The following ANKS1B variants were observed in gnomAD, a reference collection of about 807,000 sequenced individuals.
ANKS1B encodes the protein ankyrin repeat and sterile alpha motif domain-containing protein 1B.
Under a neutral mutation model 148.3 loss-of-function variants are expected in ANKS1B, and 36 were observed. That is an observed-to-expected ratio of 0.24 (90% CI 0.19 to 0.32). The LOEUF (loss-of-function observed/expected upper bound fraction) is 0.32. Ranked by LOEUF, ANKS1B falls within the 10% of genes least tolerant of loss-of-function variation. ANKS1B has a pLI of 1.00. For synonymous variants in ANKS1B, 542 were observed against 560.8 expected, an observed-to-expected ratio of 0.97 and a Z score of 0.47; for missense variants, 1,157 against 1,542.6, an observed-to-expected ratio of 0.75 and a Z score of 4.19.
intron 9 of ANKS1B, among the ~76,000 whole-genome samples, chr12:99,532,207 C>T (rs1277683459): frequency 6.6e-6 from 1 of 152,140 alleles, no homozygotes; most frequent in African/African-American, 2.4e-5. Context: ...TTAATTCAAT[C>T]ACATTTATTT....
chr12:99,938,085 G>A (rs952071551), intron 1 of ANKS1B, among the ~76,000 whole-genome samples: 1 of 152,108 alleles, frequency 6.6e-6, no homozygotes, highest in Non-Finnish European at 1.5e-5. Flanking sequence ...AAAAGAATAA[G>A]CAAAGGTGAC....
intron 9 of ANKS1B, among the ~76,000 whole-genome samples, chr12:99,582,916 T>C (rs763966841): frequency 1.3e-5 from 2 of 152,172 alleles, no homozygotes; most frequent in Non-Finnish European, 2.9e-5. Flanking sequence ...GGCTATATTT[T>C]ACAAAATATT....
chr12:99,464,352 C>G (rs561608599), intron 10 of ANKS1B, among the ~76,000 whole-genome samples: 20 of 152,068 alleles, frequency 1.3e-4, no homozygotes, highest in African/African-American at 4.8e-4. Flanking sequence ...AAAAACAGAG[C>G]AGAAAAACTG....
intron 14 of ANKS1B, among the ~76,000 whole-genome samples, chr12:99,160,206 T>C (rs1020704881): frequency 6.6e-6 from 1 of 152,368 alleles, no homozygotes; most frequent in East Asian, 1.9e-4. Context: ...TTTCTTTTGC[T>C]GTGCAGAAGC....
chr12:99,263,339 A>G (rs761073216), intron 12 of ANKS1B, among the ~76,000 whole-genome samples: 2 of 152,076 alleles, frequency 1.3e-5, no homozygotes, highest in Non-Finnish European at 2.9e-5. Flanking sequence ...AAGTGCTGAT[A>G]CTATATTACT....
chr12:98,765,836 T>G (rs1458329483), intron 25 of ANKS1B, among the ~76,000 whole-genome samples: 4 of 152,204 alleles, frequency 2.6e-5, no homozygotes, highest in Non-Finnish European at 5.9e-5. Context: ...CCTTAGGTGA[T>G]CCGCCTGCCT....
chr12:98,841,911 A>T (rs935477197), intron 17 of ANKS1B, among the ~76,000 whole-genome samples: 3 of 152,088 alleles, frequency 2.0e-5, no homozygotes, highest in African/African-American at 7.2e-5. Flanking sequence ...TAATGTTAGA[A>T]AAGAATGACC....
At chr12:99,278,182 A>G (rs1025826123) in intron 12 of ANKS1B, among the ~76,000 whole-genome samples, 10 of 152,216 alleles carry the variant, frequency 6.6e-5, no homozygotes, top group African/African-American at 2.4e-4. Flanking sequence ...CATGTGACAG[A>G]GAGCTGGCCA....
intron 8 of ANKS1B, among the ~76,000 whole-genome samples, chr12:99,703,036 C>G (rs2055125833): frequency 6.6e-6 from 1 of 152,016 alleles, no homozygotes; most frequent in Non-Finnish European, 1.5e-5. Flanking sequence ...AGATTTCATT[C>G]TCTTTCATTA....
chr12:98,911,954 C>T (rs2099787430), intron 17 of ANKS1B, among the ~76,000 whole-genome samples: 1 of 152,200 alleles, frequency 6.6e-6, no homozygotes, highest in South Asian at 2.1e-4. Flanking sequence ...GTGGGACTCT[C>T]TGCCCTTAGC....
intron 14 of ANKS1B, among the ~76,000 whole-genome samples, chr12:99,203,102 G>T (rs980158275): frequency 1.3e-5 from 2 of 152,200 alleles, no homozygotes; most frequent in African/African-American, 4.8e-5. Flanking sequence ...AATACTTACA[G>T]GCATGGTTCA....
intron 9 of ANKS1B, among the ~76,000 whole-genome samples, chr12:99,594,997 C>G (rs990736374): frequency 6.6e-5 from 10 of 151,794 alleles, no homozygotes; most frequent in African/African-American, 1.2e-4. Flanking sequence ...TTAAGTAAAC[C>G]TTAAAATCTA....
intron 17 of ANKS1B, among the ~76,000 whole-genome samples, chr12:98,938,423 A>C (rs1268398041): frequency 2.0e-5 from 3 of 152,102 alleles, no homozygotes; most frequent in Non-Finnish European, 2.9e-5. Flanking sequence ...AGGGGTTTTG[A>C]TTCAATTGGT....
intron 9 of ANKS1B, among the ~76,000 whole-genome samples, chr12:99,651,165 C>A (rs536076411): frequency 1.3e-5 from 2 of 152,164 alleles, no homozygotes; most frequent in East Asian, 3.9e-4. Flanking sequence ...TACCAGTAGA[C>A]CCTCACAGCG....
At position 99,077,186 on chromosome 12, in the gene ANKS1B, G is replaced by A. The variant is rs144781936; in HGVS notation, c.2625+7739C>T. ...AGGAAATAGAATATTCTGTGCCTTC[G>A]GTGAGACTGGGTCCCGTCATGTATT... On this transcript the variant is annotated intron_variant, in intron 16 of 26. Transcript: ENST00000683438. 1.4e-3 allele frequency among the ~76,000 whole-genome samples: 206 copies of A among 152,172 alleles called. 1 individual carries two copies. The highest frequency in any genetic ancestry group is 4.6e-3 in the African/African-American group (190 of 41,534).
intron 1 of ANKS1B, among the ~76,000 whole-genome samples, chr12:99,944,788 T>C (rs977979393): frequency 1.3e-5 from 2 of 152,168 alleles, no homozygotes; most frequent in African/African-American, 2.4e-5. Context: ...ATATTATGAA[T>C]GTTCAGAGGA....
intron 24 of ANKS1B, among the ~76,000 whole-genome samples, chr12:98,777,776 T>C (rs1345566611): frequency 6.6e-6 from 1 of 152,182 alleles, no homozygotes; most frequent in African/African-American, 2.4e-5. Flanking sequence ...CCCTTTCCCA[T>C]GAATTCAGCC....
intron 8 of ANKS1B, among the ~76,000 whole-genome samples, chr12:99,709,652 G>A (rs1157449514): frequency 6.6e-6 from 1 of 152,018 alleles, no homozygotes; most frequent in Non-Finnish European, 1.5e-5. Flanking sequence ...GCATGTTAGA[G>A]CAGATATAGG....
intron 16 of ANKS1B, among the ~76,000 whole-genome samples, chr12:99,071,146 C>T (rs542476205): frequency 6.6e-6 from 1 of 152,164 alleles, no homozygotes; most frequent in East Asian, 1.9e-4. Flanking sequence ...ATATTAAGAT[C>T]ATTTGCATAT....
Sources: gnomAD v4.1 joint callset for allele counts (sites outside exome capture counted in the v4.1 genomes callset) on GRCh38, gnomAD v4.1.1 for gene constraint, MANE v1.5 for transcripts, NCBI Gene and HGNC (gene_info 2026-07-23, HGNC 2026-07-21) for gene names.